The following CACNA2D3 variants were observed in gnomAD, a reference collection of about 807,000 sequenced individuals.
CACNA2D3 encodes voltage-dependent calcium channel subunit alpha-2/delta-3.
CACNA2D3 carries 60 observed loss-of-function variants against 160.6 expected under a neutral mutation model. The ratio of observed to expected loss-of-function variants is 0.37; its 90% CI spans 0.30 to 0.46. The LOEUF is 0.46. Among genes scored for constraint, CACNA2D3 ranks in the 20% least tolerant of loss-of-function variants. CACNA2D3 has a pLI of 1.00. For missense variants in CACNA2D3, 1,205 were observed against 1,365.0 expected, an observed-to-expected ratio of 0.88 and a Z score of 1.85; for synonymous variants, 558 against 492.9, an observed-to-expected ratio of 1.13 and a Z score of -1.75.
intron 2 of CACNA2D3, among the ~76,000 whole-genome samples, chr3:54,294,962 C>CT (rs11391376): frequency 0.29 from 43,371 of 150,070 alleles, 6,400 homozygotes; most frequent in East Asian, 0.4. Flanking sequence ...CTTGCTTCCA[C>CT]TTTTTTTTTT....
intron 11 of CACNA2D3, among the ~76,000 whole-genome samples, chr3:54,747,794 C>G (rs1397139419): frequency 6.6e-6 from 1 of 152,146 alleles, no homozygotes; most frequent in Non-Finnish European, 1.5e-5. Context: ...TCCTTCTCCC[C>G]CACTCCATTT....
chr3:54,942,375 G>T (rs1365419849), intron 27 of CACNA2D3, among the ~76,000 whole-genome samples: 1 of 152,154 alleles, frequency 6.6e-6, no homozygotes, highest in East Asian at 1.9e-4. Context: ...AGTGGCAGCA[G>T]CCTCCACGAG....
intron 3 of CACNA2D3, among the ~76,000 whole-genome samples, chr3:54,323,875 C>T (rs931269317): frequency 1.2e-4 from 19 of 152,200 alleles, no homozygotes; most frequent in African/African-American, 4.3e-4. Flanking sequence ...CCCCATCCCC[C>T]TCCCCCAGCA....
intron 18 of CACNA2D3, among the ~76,000 whole-genome samples, chr3:54,876,060 A>C (rs909405351): frequency 2.6e-5 from 4 of 152,190 alleles, no homozygotes; most frequent in Non-Finnish European, 5.9e-5. Context: ...ATATGGGCAC[A>C]TCAAAACTTG....
At chr3:54,581,913 A>G (rs1365540076) in intron 9 of CACNA2D3, 36 bp downstream of exon 9, 1 of 1,548,740 alleles carries the variant, frequency 6.5e-7, no homozygotes, top group Non-Finnish European at 8.9e-7. Context: ...CAGTCATGGT[A>G]CACCCCTGTC....
At chr3:54,453,032 C>T (rs1175319759) in intron 4 of CACNA2D3, among the ~76,000 whole-genome samples, 1 of 151,976 alleles carries the variant, frequency 6.6e-6, no homozygotes, top group Non-Finnish European at 1.5e-5. Flanking sequence ...CTCTCTGTCA[C>T]CCAAGCTGGA....
intron 13 of CACNA2D3, among the ~76,000 whole-genome samples, chr3:54,782,616 T>C (rs528863093): frequency 6.6e-6 from 1 of 152,226 alleles, no homozygotes; most frequent in East Asian, 1.9e-4. Context: ...CAGAGTCATC[T>C]TCACTCTTTG....
At chr3:54,160,427 G>A (rs902034512) in intron 2 of CACNA2D3, among the ~76,000 whole-genome samples, 11 of 152,144 alleles carry the variant, frequency 7.2e-5, no homozygotes, top group African/African-American at 1.2e-4. Flanking sequence ...TTGAACCTGG[G>A]AGGCAGAGGT....
intron 35 of CACNA2D3, among the ~76,000 whole-genome samples, chr3:55,066,998 C>T (rs1030341939): frequency 1.3e-5 from 2 of 152,176 alleles, no homozygotes; most frequent in Admixed American, 1.3e-4. Context: ...AAATGTACAG[C>T]TAACATTGCC....
At chr3:55,073,918 C>A in intron 37 of CACNA2D3, 59 bp downstream of exon 37, 1 of 1,380,662 alleles carries the variant, frequency 7.2e-7, no homozygotes, top group Non-Finnish European at 1.0e-6. Context: ...GAGAGTCTCA[C>A]ACTGGTCAAA....
At chr3:54,237,403 T>C (rs1447628496) in intron 2 of CACNA2D3, among the ~76,000 whole-genome samples, 1 of 152,206 alleles carries the variant, frequency 6.6e-6, no homozygotes, top group Non-Finnish European at 1.5e-5. Flanking sequence ...TACCTAGGGA[T>C]GGCCCCGTTG....
chr3:54,372,250 A>G (rs1376171695), intron 3 of CACNA2D3, among the ~76,000 whole-genome samples: 1 of 152,256 alleles, frequency 6.6e-6, no homozygotes, highest in Non-Finnish European at 1.5e-5. Context: ...CTGGTATTCA[A>G]CTGTCTTAAC....
At chr3:54,365,616 C>A (rs745704551) in intron 3 of CACNA2D3, among the ~76,000 whole-genome samples, 78 of 152,198 alleles carry the variant, frequency 5.1e-4, no homozygotes, top group Admixed American at 1.2e-3. Flanking sequence ...GTAATCCCAG[C>A]ACTTTGGGAG....
intron 27 of CACNA2D3, among the ~76,000 whole-genome samples, chr3:54,911,827 A>G (rs1700562479): frequency 6.6e-6 from 1 of 152,198 alleles, no homozygotes; most frequent in African/African-American, 2.4e-5. Context: ...CTCAGAGCTA[A>G]AAGCCAAAAT....
intron 11 of CACNA2D3, among the ~76,000 whole-genome samples, chr3:54,721,802 C>T (rs940877748): frequency 6.6e-6 from 1 of 151,870 alleles, no homozygotes. Context: ...ATGGGCTTCC[C>T]TTTGTGGGTA....
In CACNA2D3 at chr3:54,394,297, A is replaced by T. The variant is rs187356632; in HGVS notation, c.381+7523A>T. 6.7e-5 allele frequency among the ~76,000 whole-genome samples: 10 copies of T among 148,434 alleles called. No homozygotes were observed. In the East Asian group the frequency reaches 2.0e-3, roughly 30 times the overall value. ...CTGGTGTGTAGGCAATCTGCCTGCA[A>T]CCCTGCCTTGGAGAGTGAACATTTT... On this transcript the variant is annotated intron_variant, in intron 4 of 37. Coordinates refer to ENST00000474759, the MANE Select transcript of CACNA2D3 (RefSeq NM_018398.3).
rs750951038 is a variant in CACNA2D3 at position 54,891,466 on chromosome 3, C to CCT, written c.2246+19_2246+20dup. 6 of 1,578,746 alleles carry CCT rather than the reference C, an allele frequency of 3.8e-6. No individual in the cohort carries two copies. Among genetic ancestry groups the CCT allele is most frequent in the Non-Finnish European group, 4.4e-6 (5 of 1,148,104 alleles). On this transcript the variant is annotated intron_variant, in intron 25 of 37. Transcript: ENST00000474759. Reference sequence around the variant, plus strand: ...TCACCAATCAGTAAGTAGGAGGGATCCTCTACAGGGGCCCAGGGAGCTTCT... The same window carrying CCT: ...TCACCAATCAGTAAGTAGGAGGGATCCTCTCTACAGGGGCCCAGGGAGCTTCT...
intron 3 of CACNA2D3, among the ~76,000 whole-genome samples, chr3:54,368,112 A>T (rs1435737628): frequency 6.6e-6 from 1 of 152,218 alleles, no homozygotes; most frequent in Admixed American, 6.5e-5. Flanking sequence ...ATTGGAATAC[A>T]TAGCTTGTTT....
chr3:54,892,914 G>A (rs984944145), intron 25 of CACNA2D3, among the ~76,000 whole-genome samples: 1 of 152,164 alleles, frequency 6.6e-6, no homozygotes, highest in East Asian at 1.9e-4. Context: ...TCTCACTTGG[G>A]TATCTTCATT....
Sources: gnomAD v4.1 joint callset for allele counts (sites outside exome capture counted in the v4.1 genomes callset) on GRCh38, gnomAD v4.1.1 for gene constraint, MANE v1.5 for transcripts, NCBI Gene and HGNC (gene_info 2026-07-23, HGNC 2026-07-21) for gene names.